The following NOL10 variants were observed in gnomAD, a reference collection of about 807,000 sequenced individuals.
NOL10 encodes nucleolar protein 10.
In NOL10, 58 loss-of-function variants were observed where a neutral mutation model predicts 103.5. The observed-to-expected ratio is 0.56, with a 90% CI of 0.45 to 0.70. The LOEUF is 0.70. NOL10 is among the 30% of genes least tolerant of loss of function. The pLI is 0.00. For missense variants in NOL10, 763 were observed against 807.3 expected (o/e 0.95, Z 0.67); for synonymous variants, 287 against 282.5 (o/e 1.02, Z -0.16).
intron 13 of NOL10, among the ~76,000 whole-genome samples, chr2:10,618,026 C>T (rs1676921492): frequency 8.4e-6 from 1 of 119,024 alleles, no homozygotes; most frequent in South Asian, 2.5e-4. Context: ...CTGGACTGTA[C>T]ACTTCATGTT....
intron 12 of NOL10, among the ~76,000 whole-genome samples, chr2:10,652,423 A>C (rs1679533979): frequency 6.6e-6 from 1 of 152,038 alleles, no homozygotes; most frequent in African/African-American, 2.4e-5. Flanking sequence ...AGAAAAAAAA[A>C]AGCCATGGAC....
chr2:10,605,044 T>A (rs959421079), intron 14 of NOL10, among the ~76,000 whole-genome samples: 1 of 152,234 alleles, frequency 6.6e-6, no homozygotes, highest in African/African-American at 2.4e-5. Context: ...TCTGATTCAT[T>A]CTCCAGGCAA....
chr2:10,580,337 T>C (rs1467020682), intron 19 of NOL10, among the ~76,000 whole-genome samples: 1 of 152,064 alleles, frequency 6.6e-6, no homozygotes, highest in African/African-American at 2.4e-5. Context: ...ATGGCAGAAT[T>C]GGCCTTTCCC....
chr2:10,602,939 C>T (rs1287960671), intron 15 of NOL10, 65 bp from the exon 16 acceptor site: 4 of 1,298,100 alleles, frequency 3.1e-6, no homozygotes, highest in African/African-American at 2.9e-5. Flanking sequence ...TTTTCATATA[C>T]ACCACGACAG....
intron 8 of NOL10, among the ~76,000 whole-genome samples, chr2:10,666,336 G>A (rs1345685116): frequency 6.6e-6 from 1 of 151,914 alleles, no homozygotes; most frequent in Non-Finnish European, 1.5e-5. Context: ...ACAACAGAAT[G>A]CTATCTGTAA....
intron 17 of NOL10, among the ~76,000 whole-genome samples, chr2:10,596,277 G>C (rs1209042033): frequency 6.7e-6 from 1 of 148,556 alleles, no homozygotes; most frequent in Non-Finnish European, 1.5e-5. Context: ...GGGCGGGCGC[G>C]AGGGAGTTTT....
At chr2:10,634,211 G>A (rs1324196509) in intron 13 of NOL10, among the ~76,000 whole-genome samples, 1 of 152,180 alleles carries the variant, frequency 6.6e-6, no homozygotes, top group African/African-American at 2.4e-5. Context: ...AGCAGAAGCA[G>A]AAAGATCAGT....
At chr2:10,658,312 G>A (rs779519712) in intron 10 of NOL10, among the ~76,000 whole-genome samples, 69 of 152,148 alleles carry the variant, frequency 4.5e-4, no homozygotes, top group Non-Finnish European at 8.8e-4. Flanking sequence ...TTGGGAGAAG[G>A]GAGAATCTCT....
intron 13 of NOL10, among the ~76,000 whole-genome samples, chr2:10,642,642 G>T (rs1366065710): frequency 1.3e-5 from 2 of 151,904 alleles, no homozygotes; most frequent in Non-Finnish European, 2.9e-5. Context: ...GTCAAGATCC[G>T]ATCTACTGTC....
chr2:10,687,377 C>A (rs1682290636), intron 1 of NOL10, among the ~76,000 whole-genome samples: 1 of 152,160 alleles, frequency 6.6e-6, no homozygotes, highest in African/African-American at 2.4e-5. Flanking sequence ...CCTTGAAACA[C>A]TTACTTCTAC....
chr2:10,647,122 A>G (rs1679129926), intron 12 of NOL10, among the ~76,000 whole-genome samples: 1 of 152,244 alleles, frequency 6.6e-6, no homozygotes, highest in South Asian at 2.1e-4. Flanking sequence ...TAAAGGAAGG[A>G]AAAGATATCA....
At chr2:10,641,174 C>CAAAAAAAAA (rs35267200) in intron 13 of NOL10, among the ~76,000 whole-genome samples, 10 of 99,444 alleles carry the variant, frequency 1.0e-4, no homozygotes, top group Admixed American at 2.9e-4. Flanking sequence ...TACAAAAATA[C>CAAAAAAAAA]AAAAAAAAAA....
At chr2:10,644,231 G>C in intron 13 of NOL10, 89 bp downstream of exon 13, 2 of 984,308 alleles carry the variant, frequency 2.0e-6, no homozygotes, top group Non-Finnish European at 2.9e-6. Flanking sequence ...ATCGGTGATC[G>C]CCAGACTCCG....
At chr2:10,606,092 AGAG>A (rs1676239393) in intron 14 of NOL10, among the ~76,000 whole-genome samples, 1 of 152,040 alleles carries the variant, frequency 6.6e-6, no homozygotes, top group Non-Finnish European at 1.5e-5. Context: ...ACTCTAACCT[AGAG>A]GAGGGCTAGG....
chr2:10,646,033 C>T (rs2148285906), intron 12 of NOL10, among the ~76,000 whole-genome samples: 1 of 151,920 alleles, frequency 6.6e-6, no homozygotes. Flanking sequence ...CTAAATTAAA[C>T]CAAAACAAAG....
chr2:10,603,204 T>C (rs1237335438), intron 14 of NOL10, 47 bp from the exon 15 acceptor site: 2 of 1,370,924 alleles, frequency 1.5e-6, no homozygotes, highest in Admixed American at 2.1e-5. Flanking sequence ...GCAATCTTCA[T>C]TAACATTCAA....
At chr2:10,625,695 T>G (rs1572320642) in intron 13 of NOL10, among the ~76,000 whole-genome samples, 1 of 152,074 alleles carries the variant, frequency 6.6e-6, no homozygotes, top group African/African-American at 2.4e-5. Context: ...TAATACAGTA[T>G]AAGCCAACTT....
intron 13 of NOL10, among the ~76,000 whole-genome samples, chr2:10,643,607 T>C (rs1225967770): frequency 1.3e-5 from 2 of 152,194 alleles, no homozygotes; most frequent in Non-Finnish European, 2.9e-5. Flanking sequence ...ATGTCATCCC[T>C]GATCAGGATG....
chr2:10,613,431 G>T (rs572155393), intron 13 of NOL10, among the ~76,000 whole-genome samples: 257 of 152,292 alleles, frequency 1.7e-3, no homozygotes, highest in African/African-American at 5.9e-3. Context: ...ATTTTTAAAA[G>T]GTTCTAGGAA....
Sources: allele counts gnomAD v4.1 joint callset (sites outside exome capture counted in the v4.1 genomes callset), GRCh38; gene constraint gnomAD v4.1.1; transcripts MANE v1.5; gene names NCBI Gene and HGNC (gene_info 2026-07-23, HGNC 2026-07-21).